The following GRIK2 variants were observed in gnomAD, a reference collection of about 807,000 sequenced individuals.
GRIK2 encodes the protein glutamate receptor ionotropic, kainate 2.
GRIK2 carries 32 observed loss-of-function variants against 100.3 expected under a neutral mutation model. The ratio of observed to expected loss-of-function variants is 0.32; its 90% confidence interval spans 0.24 to 0.43. The LOEUF (loss-of-function observed/expected upper bound fraction) is 0.43, where lower values mean the gene tolerates loss of function less well. GRIK2 is among the 20% of genes least tolerant of loss of function. The probability of loss-of-function intolerance (pLI) is 1.00; values close to 1 mark genes in which losing one functional copy is unlikely to be tolerated. For synonymous variants in GRIK2, 417 were observed against 389.4 expected (o/e 1.07, Z -0.83); for missense variants, 843 against 1,114.9 (o/e 0.76, Z 3.47).
intron 2 of GRIK2, among the ~76,000 whole-genome samples, chr6:101,421,718 C>G (rs1182519716): frequency 1.3e-5 from 2 of 152,010 alleles, no homozygotes; most frequent in African/African-American, 4.8e-5. Context: ...TAAATCCCTG[C>G]TTTTTTGGAA....
At chr6:101,438,456 G>A (rs1424657881) in intron 2 of GRIK2, among the ~76,000 whole-genome samples, 1 of 152,012 alleles carries the variant, frequency 6.6e-6, no homozygotes, top group African/African-American at 2.4e-5. Context: ...AAAAGATAAT[G>A]CCTCCTGTAA....
At chr6:101,612,069 G>A (rs73761364) in intron 2 of GRIK2, among the ~76,000 whole-genome samples, 2 of 151,906 alleles carry the variant, frequency 1.3e-5, no homozygotes, top group African/African-American at 4.8e-5. Context: ...ATACAGAATG[G>A]CAATTAAAAG....
At chr6:101,626,840 A>G (rs1053753020) in intron 4 of GRIK2, among the ~76,000 whole-genome samples, 4 of 152,082 alleles carry the variant, frequency 2.6e-5, no homozygotes, top group African/African-American at 9.7e-5. Flanking sequence ...TCTTCTCTGT[A>G]TTTGTAAAAT....
chr6:101,885,381 T>A (rs1329610839), intron 11 of GRIK2, among the ~76,000 whole-genome samples: 1 of 152,074 alleles, frequency 6.6e-6, no homozygotes, highest in East Asian at 1.9e-4. Flanking sequence ...TATGATATAT[T>A]TGAATGGTTG....
intron 9 of GRIK2, among the ~76,000 whole-genome samples, chr6:101,804,761 G>T (rs1167817358): frequency 1.3e-5 from 2 of 152,040 alleles, no homozygotes; most frequent in Non-Finnish European, 2.9e-5. Flanking sequence ...GGAGCAAAAA[G>T]TTCACATCAC....
At chr6:101,918,535 G>A (rs1199063695) in intron 12 of GRIK2, among the ~76,000 whole-genome samples, 1 of 151,436 alleles carries the variant, frequency 6.6e-6, no homozygotes, top group Non-Finnish European at 1.5e-5. Context: ...TTTAAACAAG[G>A]ATTATATACT....
rs188563006 is a variant in GRIK2, at chr6:101,502,478, C to T, written c.115+103086C>T. 1.2e-3 allele frequency among the ~76,000 whole-genome samples: 178 copies of T among 150,970 alleles called. 4 individuals carry two copies. The East Asian group carries it at 0.029, about 24-fold the overall frequency. On this transcript the variant is annotated intron_variant, in intron 2 of 16. Transcript: ENST00000369134. The stretch of plus-strand genomic sequence containing the variant: ...GAATGCACTGAAATAAAAAGATTTC[C>T]GAGACATAGAAAATAAAAAATGAAA...
rs989554915 is a variant in GRIK2, at chr6:101,749,803, C to CTTTTTTT, written c.952-49828_952-49822dup. ...ACTGAAAACTTGTGTGTGCCAGTTT[C>CTTTTTTT]TTTTTTTTTTTTTTTTTTTTTTTGT... is the stretch of plus-strand genomic sequence containing the variant. On this transcript the variant is annotated intron_variant, in intron 7 of 16. Transcript: ENST00000369134. Among the ~76,000 whole-genome samples the CTTTTTTT allele has an allele frequency of 9.5e-4, 88 of 92,540 alleles. 3 individuals are homozygous for CTTTTTTT. Among genetic ancestry groups the CTTTTTTT allele is most frequent in the African/African-American group, 2.1e-3 (48 of 22,484 alleles). 60.7% of individuals were successfully genotyped at this position (92,540 alleles called of 152,430 possible).
At chr6:101,740,760 G>A (rs552721524) in intron 7 of GRIK2, among the ~76,000 whole-genome samples, 8 of 152,228 alleles carry the variant, frequency 5.3e-5, no homozygotes, top group East Asian at 1.9e-4. Context: ...AAGGGGAGCC[G>A]GCTGGCAAGA....
chr6:101,946,029 A>G (rs1203229894), intron 14 of GRIK2, among the ~76,000 whole-genome samples: 4 of 151,634 alleles, frequency 2.6e-5, no homozygotes, highest in African/African-American at 9.7e-5. Flanking sequence ...ATTAATCAAT[A>G]TAAGTAAAAT....
At chr6:101,839,233 C>T (rs929421019) in intron 10 of GRIK2, among the ~76,000 whole-genome samples, 5 of 152,118 alleles carry the variant, frequency 3.3e-5, no homozygotes, top group Admixed American at 2.6e-4. Context: ...TGGTTGGGTG[C>T]CAGTAGAGGC....
intron 2 of GRIK2, among the ~76,000 whole-genome samples, chr6:101,579,616 G>A (rs1777969690): frequency 1.3e-5 from 2 of 151,950 alleles, no homozygotes; most frequent in Non-Finnish European, 2.9e-5. Context: ...ACTTTGGGAG[G>A]CCAAGGCGGG....
At chr6:101,675,745 G>A (rs776003838) in intron 4 of GRIK2, among the ~76,000 whole-genome samples, 6 of 152,024 alleles carry the variant, frequency 3.9e-5, no homozygotes. Flanking sequence ...TACTTCTCTA[G>A]GAGAATGCTT....
At chr6:101,645,512 T>C (rs1781486254) in intron 4 of GRIK2, among the ~76,000 whole-genome samples, 1 of 151,880 alleles carries the variant, frequency 6.6e-6, no homozygotes, top group Admixed American at 6.6e-5. Context: ...GGAGAGGCCG[T>C]TTGTCTTTCT....
intron 2 of GRIK2, among the ~76,000 whole-genome samples, chr6:101,598,235 C>G (rs1335108776): frequency 6.6e-6 from 1 of 151,584 alleles, no homozygotes; most frequent in South Asian, 2.1e-4. Flanking sequence ...TTCAATACCC[C>G]CTTTTCAATC....
intron 2 of GRIK2, among the ~76,000 whole-genome samples, chr6:101,584,864 C>T (rs189912391): frequency 6.6e-6 from 1 of 151,936 alleles, no homozygotes; most frequent in East Asian, 1.9e-4. Flanking sequence ...TGCAAGATTA[C>T]AGAACCTGAC....
At chr6:101,570,250 T>G (rs1036923361) in intron 2 of GRIK2, among the ~76,000 whole-genome samples, 8 of 152,062 alleles carry the variant, frequency 5.3e-5, no homozygotes, top group Admixed American at 3.9e-4. Context: ...TGGGGTAATA[T>G]TAATCTTGTA....
chr6:101,744,428 T>A (rs1338317226), intron 7 of GRIK2, among the ~76,000 whole-genome samples: 3 of 149,872 alleles, frequency 2.0e-5, no homozygotes, highest in Non-Finnish European at 4.4e-5. Flanking sequence ...AATTCCACGA[T>A]TCCATCCAGG....
At chr6:101,914,616 T>C (rs930851849) in intron 12 of GRIK2, among the ~76,000 whole-genome samples, 3 of 151,434 alleles carry the variant, frequency 2.0e-5, no homozygotes, top group African/African-American at 7.3e-5. Flanking sequence ...CCTGACAATG[T>C]GTTGCCCCCC....
Sources: gnomAD v4.1 joint callset for allele counts (sites outside exome capture counted in the v4.1 genomes callset) on GRCh38, gnomAD v4.1.1 for gene constraint, MANE v1.5 for transcripts, NCBI Gene and HGNC (gene_info 2026-07-23, HGNC 2026-07-21) for gene names.